NTRK2: variants seen among roughly 807,000 people sequenced by gnomAD.
The protein encoded by NTRK2 is neurotrophic receptor tyrosine kinase 2.
NTRK2 carries 13 observed loss-of-function variants against 94.5 expected under a neutral mutation model. That is an observed-to-expected ratio of 0.14 (90% CI 0.09 to 0.22). The LOEUF is 0.22. NTRK2 is among the 10% of genes least tolerant of loss of function. The probability of loss-of-function intolerance (pLI) is 1.00; values close to 1 mark genes in which losing one functional copy is unlikely to be tolerated. For synonymous variants in NTRK2, 372 were observed against 407.4 expected, an observed-to-expected ratio of 0.91 and a Z score of 1.05; for missense variants, 639 against 1,071.2, an observed-to-expected ratio of 0.60 and a Z score of 5.63.
chr9:84,935,418 A>G (rs772650712), intron 15 of NTRK2, among the ~76,000 whole-genome samples: 1 of 152,248 alleles, frequency 6.6e-6, no homozygotes, highest in African/African-American at 2.4e-5. Context: ...GGTTTTTATT[A>G]AAGTTTATCC....
chr9:84,812,266 C>T, intron 12 of NTRK2: 1 of 1,056,100 alleles, frequency 9.5e-7, no homozygotes, highest in Non-Finnish European at 1.1e-6. Flanking sequence ...TTTACATTAG[C>T]CACTAAATAC....
At chr9:84,938,646 C>T (rs528282052) in intron 15 of NTRK2, among the ~76,000 whole-genome samples, 1 of 152,268 alleles carries the variant, frequency 6.6e-6, no homozygotes, top group East Asian at 1.9e-4. Flanking sequence ...CCTTTTAGCA[C>T]ACTGCCTCAT....
chr9:84,951,179 T>A (rs1339823317), intron 16 of NTRK2, among the ~76,000 whole-genome samples: 2 of 152,204 alleles, frequency 1.3e-5, no homozygotes, highest in African/African-American at 2.4e-5. Context: ...TTCTCTGCTT[T>A]TCCTATGATT....
At chr9:84,907,622 G>A (rs1156917671) in intron 14 of NTRK2, among the ~76,000 whole-genome samples, 1 of 151,658 alleles carries the variant, frequency 6.6e-6, no homozygotes. Context: ...AAATACCTGG[G>A]AATTAAAATA....
intron 12 of NTRK2, among the ~76,000 whole-genome samples, chr9:84,818,123 C>T (rs2072541801): frequency 6.6e-6 from 1 of 152,116 alleles, no homozygotes. Flanking sequence ...GAGGCCAAAG[C>T]TAATATTGCC....
intron 17 of NTRK2, among the ~76,000 whole-genome samples, chr9:85,004,053 G>GAAAGAAA (rs1316613240): frequency 2.5e-4 from 16 of 64,880 alleles, no homozygotes; most frequent in East Asian, 5.7e-4. Context: ...AAGGGAGAAA[G>GAAAGAAA]AGAAAGAAAG....
intron 17 of NTRK2, among the ~76,000 whole-genome samples, chr9:84,966,887 C>T (rs895865447): frequency 2.6e-5 from 4 of 152,196 alleles, no homozygotes; most frequent in Non-Finnish European, 5.9e-5. Flanking sequence ...GAAAAATTCT[C>T]TCAACCATGA....
At chr9:84,913,055 T>G (rs1213766155) in intron 14 of NTRK2, among the ~76,000 whole-genome samples, 1 of 152,246 alleles carries the variant, frequency 6.6e-6, no homozygotes, top group Non-Finnish European at 1.5e-5. Flanking sequence ...TATTGATATG[T>G]TAGGGCTTAA....
intron 15 of NTRK2, among the ~76,000 whole-genome samples, chr9:84,946,191 G>T (rs565581727): frequency 2.0e-4 from 31 of 152,296 alleles, no homozygotes; most frequent in African/African-American, 7.2e-4. Context: ...GTTCCCATTT[G>T]CCATCTAACC....
At chr9:84,771,099 C>T (rs1293168400) in intron 12 of NTRK2, among the ~76,000 whole-genome samples, 1 of 152,142 alleles carries the variant, frequency 6.6e-6, no homozygotes, top group African/African-American at 2.4e-5. Flanking sequence ...CTAATAAGAG[C>T]TTGAGTCATG....
At chr9:84,793,080 G>A (rs540132110) in intron 12 of NTRK2, among the ~76,000 whole-genome samples, 1 of 152,302 alleles carries the variant, frequency 6.6e-6, no homozygotes, top group African/African-American at 2.4e-5. Flanking sequence ...ATGAAGAGAT[G>A]CAACTGGTGT....
rs150557427 is a variant in NTRK2 at position 84,814,705 on chromosome 9, T to G, written c.1397-46335T>G. 1,455 of 1,064,524 alleles carry G rather than the reference T, an allele frequency of 1.4e-3. 16 individuals are homozygous for G. The African/African-American group carries it at 0.022, about 16-fold the overall frequency. The allele number at this position is 1,064,524 out of a possible 1,614,324, so 65.9% of individuals were successfully genotyped here. ...CACTACACTAGAAGTTTATTTCATC[T>G]TGTTTTGTCTAGACTCCAGATACAG... On this transcript the variant is annotated intron_variant, in intron 12 of 18. Coordinates refer to ENST00000277120, the MANE Select transcript of NTRK2 (RefSeq NM_006180.6).
rs144786276 is a variant in NTRK2 at position 84,996,069 on chromosome 9, A to G, written c.2173-24137A>G. 3.3e-4 allele frequency among the ~76,000 whole-genome samples: 50 copies of G among 152,356 alleles called. No homozygotes were observed. The East Asian group carries it at 8.5e-3, about 26-fold the overall frequency. On this transcript the variant is annotated intron_variant, in intron 17 of 18. Transcript: ENST00000277120. ...TGACTTAACAAAGAGCACTTTTTAT[A>G]TTGTGAAGTGATCATCATACTCTTT...
chr9:84,925,201 C>CTTTTTTTTTTT (rs562875058), intron 14 of NTRK2, among the ~76,000 whole-genome samples: 5 of 141,284 alleles, frequency 3.5e-5, no homozygotes, highest in East Asian at 2.1e-4. Context: ...TTCTCTTCTT[C>CTTTTTTTTTTT]TTTTTTTTTT....
intron 14 of NTRK2, among the ~76,000 whole-genome samples, chr9:84,909,627 G>C (rs1248498628): frequency 6.6e-6 from 1 of 151,962 alleles, no homozygotes; most frequent in African/African-American, 2.4e-5. Flanking sequence ...TAGCCATTCT[G>C]ATAGGTATGT....
intron 17 of NTRK2, among the ~76,000 whole-genome samples, chr9:84,956,604 A>G (rs1824162796): frequency 6.6e-6 from 1 of 152,204 alleles, no homozygotes; most frequent in Admixed American, 6.5e-5. Context: ...ATAGCTTAAC[A>G]GCATAAAGCA....
chr9:84,703,674 A>G (rs2060869398), intron 4 of NTRK2, among the ~76,000 whole-genome samples: 1 of 152,248 alleles, frequency 6.6e-6, no homozygotes, highest in African/African-American at 2.4e-5. Flanking sequence ...TAAAGCCAAT[A>G]TCATAGCTTC....
At chr9:84,808,431 G>A (rs931912295) in intron 12 of NTRK2, among the ~76,000 whole-genome samples, 4 of 152,196 alleles carry the variant, frequency 2.6e-5, no homozygotes, top group East Asian at 1.9e-4. Flanking sequence ...TTATTCTGGG[G>A]TCATGCTGTC....
rs574538007 is a variant in NTRK2, at chr9:84,752,009, G to A, written c.1320G>A (p.Ala440=). 70 of 1,613,966 alleles carry A rather than the reference G, an allele frequency of 4.3e-5. No homozygotes were observed. Among genetic ancestry groups the A allele is most frequent in the South Asian group, 3.5e-4 (32 of 91,076 alleles). The change falls in exon 12 of 19, where the codon GCG becomes GCA. Residue 440 remains alanine, a synonymous_variant. Transcript: ENST00000277120. ...AGGTCTATGCTGTGGTGGTGATTGC[G>A]TCTGTGGTGGGATTTTGCCTTTTGG... The part of the protein sequence containing the change: ...HLSVYAVVVI[A]SVVGFCLLVM...
Sources: gnomAD v4.1 joint callset for allele counts (sites outside exome capture counted in the v4.1 genomes callset) on GRCh38, gnomAD v4.1.1 for gene constraint, MANE v1.5 for transcripts, NCBI Gene and HGNC (gene_info 2026-07-23, HGNC 2026-07-21) for gene names.